PXDNL: variants seen among roughly 807,000 people sequenced by gnomAD.
PXDNL encodes the protein probable oxidoreductase PXDNL.
Under a neutral mutation model 150.8 loss-of-function variants are expected in PXDNL, and 145 were observed. That is an observed-to-expected ratio of 0.96 (90% CI 0.84 to 1.10). PXDNL has a LOEUF of 1.10. Among genes scored for constraint, PXDNL ranks in the 50% least tolerant of loss-of-function variants. The probability of loss-of-function intolerance (pLI) is 0.00; values close to 1 mark genes in which losing one functional copy is unlikely to be tolerated. For missense variants in PXDNL, 2,087 were observed against 1,873.9 expected (o/e 1.11, Z -2.10); for synonymous variants, 757 against 725.7 (o/e 1.04, Z -0.69).
chr8:51,654,855 C>A, intron 1 of PXDNL, 95 bp from the exon 2 acceptor site: 1 of 898,242 alleles, frequency 1.1e-6, no homozygotes, highest in Non-Finnish European at 1.8e-6. Context: ...CTTTTATGAT[C>A]AAACATACAG....
intron 20 of PXDNL, among the ~76,000 whole-genome samples, chr8:51,344,642 A>ATT (rs1004769173): frequency 6.6e-6 from 1 of 152,192 alleles, no homozygotes; most frequent in African/African-American, 2.4e-5. Flanking sequence ...GTGAGTTAAT[A>ATT]TTTGTTTGAT....
chr8:51,515,396 T>C (rs1307105104), intron 4 of PXDNL, among the ~76,000 whole-genome samples: 1 of 152,108 alleles, frequency 6.6e-6, no homozygotes, highest in Non-Finnish European at 1.5e-5. Context: ...AACACATACC[T>C]GATAGTTCTG....
At chr8:51,390,913 A>T (rs1449863208) in intron 17 of PXDNL, among the ~76,000 whole-genome samples, 1 of 151,700 alleles carries the variant, frequency 6.6e-6, no homozygotes, top group East Asian at 1.9e-4. Context: ...ACCCCACAAC[A>T]GTCCCCAGAG....
intron 1 of PXDNL, among the ~76,000 whole-genome samples, chr8:51,777,116 C>A (rs1452496275): frequency 6.6e-6 from 1 of 152,124 alleles, no homozygotes; most frequent in African/African-American, 2.4e-5. Context: ...GCCACATGCC[C>A]ATTTAATATA....
chr8:51,484,658 G>A (rs1476637729), intron 5 of PXDNL, among the ~76,000 whole-genome samples: 1 of 152,146 alleles, frequency 6.6e-6, no homozygotes, highest in Non-Finnish European at 1.5e-5. Flanking sequence ...TCACAGAGAG[G>A]TGCACTTATG....
intron 2 of PXDNL, among the ~76,000 whole-genome samples, chr8:51,623,974 TC>T (rs1197896200): frequency 6.6e-6 from 1 of 151,830 alleles, no homozygotes; most frequent in African/African-American, 2.4e-5. Context: ...ATTCCTGTAG[TC>T]CCAGCTACTT....
rs187094397 is a variant in PXDNL, at chr8:51,483,904, A to C, written c.453-190T>G. ...GATTTACATATCTCTATCTACCACT[A>C]CTATATGGGTATTTTTTCACATCTG... On this transcript the variant is annotated intron_variant, in intron 5 of 22. Coordinates refer to ENST00000356297, the MANE Select transcript of PXDNL (RefSeq NM_144651.5). 2.7e-3 allele frequency among the ~76,000 whole-genome samples: 405 copies of C among 152,224 alleles called. 1 individual carries two copies. Among genetic ancestry groups the C allele is most frequent in the African/African-American group, 9.6e-3 (399 of 41,528 alleles).
chr8:51,473,571 A>T (rs1342734766), intron 7 of PXDNL, among the ~76,000 whole-genome samples: 1 of 152,108 alleles, frequency 6.6e-6, no homozygotes, highest in Non-Finnish European at 1.5e-5. Flanking sequence ...AATGGAGAAC[A>T]CTGAGTTGGC....
At chr8:51,505,290 C>G (rs150811827) in intron 4 of PXDNL, among the ~76,000 whole-genome samples, 1 of 152,008 alleles carries the variant, frequency 6.6e-6, no homozygotes, top group East Asian at 1.9e-4. Context: ...AGAATGACAA[C>G]AAAAATAATA....
At chr8:51,522,136 G>A (rs999199056) in intron 4 of PXDNL, among the ~76,000 whole-genome samples, 2 of 152,058 alleles carry the variant, frequency 1.3e-5, no homozygotes, top group Non-Finnish European at 2.9e-5. Context: ...ATGAGAAAAG[G>A]AAATACAGTG....
At position 51,409,819 on chromosome 8, in the gene PXDNL, C is replaced by CA. The variant is rs1417035279; in HGVS notation, c.2063-259dup. ...AACAATGGCTAGCTGCTAGAAGGAGCAAAATGGAAGGAGAGCAGATGCCAG... is the reference window on the plus strand; with the variant it reads ...AACAATGGCTAGCTGCTAGAAGGAGCAAAAATGGAAGGAGAGCAGATGCCAG... On this transcript the variant is annotated intron_variant, in intron 16 of 22. Coordinates refer to ENST00000356297, the MANE Select transcript of PXDNL (RefSeq NM_144651.5). Among the ~76,000 whole-genome samples the CA allele has an allele frequency of 2.0e-5, 3 of 152,092 alleles. No homozygotes were observed. The East Asian group carries it at 5.8e-4, about 29-fold the overall frequency.
At chr8:51,702,295 T>C (rs1339336478) in intron 1 of PXDNL, among the ~76,000 whole-genome samples, 1 of 152,130 alleles carries the variant, frequency 6.6e-6, no homozygotes, top group Non-Finnish European at 1.5e-5. Context: ...CTTCCGTAAG[T>C]GATGGAATGC....
At chr8:51,803,520 C>T (rs2037643291) in intron 1 of PXDNL, among the ~76,000 whole-genome samples, 1 of 152,102 alleles carries the variant, frequency 6.6e-6, no homozygotes, top group Non-Finnish European at 1.5e-5. Context: ...GATGTGGCCC[C>T]CATCCTCTCT....
In PXDNL at chr8:51,345,792, A is replaced by G. The variant is rs758992372; in HGVS notation, c.4016+41T>C. On this transcript the variant is annotated intron_variant, in intron 20 of 22. Coordinates refer to ENST00000356297, the MANE Select transcript of PXDNL (RefSeq NM_144651.5). ...CAAATTGTAGGTTTGAAGCAAATCT[A>G]TAGTAAGTTGCCTAAAGAAATGAGA... is the stretch of plus-strand genomic sequence containing the variant. 8.7e-6 allele frequency: 11 copies of G among 1,258,124 alleles called. No individual in the cohort carries two copies. In the South Asian group the frequency reaches 1.4e-4, roughly 16 times the overall value. 77.9% of individuals were successfully genotyped at this position (1,258,124 alleles called of 1,614,324 possible).
intron 6 of PXDNL, 65 bp from the exon 7 acceptor site, chr8:51,475,206 G>A: frequency 6.9e-7 from 1 of 1,456,238 alleles, no homozygotes; most frequent in Non-Finnish European, 9.4e-7. Context: ...TGAATCTTTT[G>A]AGTGGTAATA....
chr8:51,359,803 C>T (rs963630895), intron 19 of PXDNL, among the ~76,000 whole-genome samples: 1 of 151,936 alleles, frequency 6.6e-6, no homozygotes, highest in Non-Finnish European at 1.5e-5. Context: ...AAAAAAAATC[C>T]AGACTGGCAC....
intron 19 of PXDNL, among the ~76,000 whole-genome samples, chr8:51,361,937 CAAAAAAAAAAAAAAAAA>C (rs57092440): frequency 3.4e-5 from 2 of 58,052 alleles, no homozygotes; most frequent in South Asian, 1.0e-3. Context: ...GATTCCATCT[CAAAAAAAAAAAAAAAAA>C]AAAAAAAAAA....
At chr8:51,391,393 T>A (rs1224909670) in intron 17 of PXDNL, among the ~76,000 whole-genome samples, 1 of 152,130 alleles carries the variant, frequency 6.6e-6, no homozygotes, top group Admixed American at 6.5e-5. Flanking sequence ...CCACATCCTC[T>A]CCAGCACCTG....
intron 1 of PXDNL, among the ~76,000 whole-genome samples, chr8:51,761,962 A>C (rs755874443): frequency 2.6e-5 from 4 of 152,214 alleles, no homozygotes; most frequent in Admixed American, 6.5e-5. Context: ...AGAATCTTAG[A>C]GTGTAGGATT....
Sources: gnomAD v4.1 joint callset for allele counts (sites outside exome capture counted in the v4.1 genomes callset) on GRCh38, gnomAD v4.1.1 for gene constraint, MANE v1.5 for transcripts, NCBI Gene and HGNC (gene_info 2026-07-23, HGNC 2026-07-21) for gene names.